IFRD1: variants seen among roughly 807,000 people sequenced by gnomAD.
The protein encoded by IFRD1 is interferon-related developmental regulator 1.
IFRD1 carries 35 observed loss-of-function variants against 52.9 expected under a neutral mutation model. That is an observed-to-expected ratio of 0.66 (90% CI 0.51 to 0.88). The LOEUF is 0.88. Among genes scored for constraint, IFRD1 ranks in the 40% least tolerant of loss-of-function variants. The pLI is 0.00. For missense variants in IFRD1, 517 were observed against 550.8 expected (o/e 0.94, Z 0.61); for synonymous variants, 184 against 188.4 (o/e 0.98, Z 0.19).
intron 11 of IFRD1, among the ~76,000 whole-genome samples, chr7:112,473,068 A>G (rs3128385): frequency 0.36 from 11,215 of 31,588 alleles, 962 homozygotes; most frequent in African/African-American, 0.51. Context: ...GTGTGTGTGT[A>G]TATATGTGTC....
Position 112,476,186 on chromosome 7 carries a change from A to G in IFRD1, c.*667A>G, listed in dbSNP as rs3183621. On this transcript the variant is annotated 3_prime_UTR_variant, in exon 12 of 12. Coordinates refer to ENST00000403825, the MANE Select transcript of IFRD1 (RefSeq NM_001550.4). The stretch of plus-strand genomic sequence containing the variant: ...CTTTGAAATAAAGATTTTTTTCCAC[A>G]CTGAAAGTGCTTCTCTTCTAATAGA... 34,592 of 152,170 alleles carry G rather than the reference A, an allele frequency of 0.23. 3,993 individuals carry two copies. Among genetic ancestry groups the G allele is most frequent in the Middle Eastern group, 0.42 (124 of 294 alleles). 9.4% of individuals were successfully genotyped at this position (152,170 alleles called of 1,614,324 possible).
At chr7:112,461,036 C>G (rs543087783) in intron 5 of IFRD1, among the ~76,000 whole-genome samples, 8 of 152,110 alleles carry the variant, frequency 5.3e-5, no homozygotes, top group Non-Finnish European at 1.2e-4. Flanking sequence ...ATTCGATAAG[C>G]TTTACCTTTG....
intron 1 of IFRD1, among the ~76,000 whole-genome samples, chr7:112,433,049 A>C (rs1794580684): frequency 6.6e-6 from 1 of 152,208 alleles, no homozygotes; most frequent in African/African-American, 2.4e-5. Flanking sequence ...AATTTCAGAG[A>C]TATTAAATGG....
At chr7:112,427,872 G>A (rs772452734) in intron 1 of IFRD1, among the ~76,000 whole-genome samples, 11 of 152,222 alleles carry the variant, frequency 7.2e-5, no homozygotes, top group Admixed American at 1.3e-4. Flanking sequence ...GGAGATCACA[G>A]TCTGGAGAGG....
chr7:112,423,970 A>C (rs1794374900), intron 1 of IFRD1, among the ~76,000 whole-genome samples: 1 of 152,244 alleles, frequency 6.6e-6, no homozygotes, highest in Non-Finnish European at 1.5e-5. Context: ...TGCAGAGTCC[A>C]GTTAACGAGA....
At chr7:112,451,113 C>T (rs1360581914) in intron 1 of IFRD1, 2 of 293,150 alleles carry the variant, frequency 6.8e-6, no homozygotes, top group Non-Finnish European at 1.3e-5. Context: ...CGGCGGCGAT[C>T]TCGCCCGATC....
At chr7:112,427,463 C>G (rs1209904160) in intron 1 of IFRD1, among the ~76,000 whole-genome samples, 1 of 152,226 alleles carries the variant, frequency 6.6e-6, no homozygotes, top group Non-Finnish European at 1.5e-5. Context: ...TACATTTACA[C>G]TACATTTTCA....
At chr7:112,454,857 G>GTTTTT (rs398005875) in intron 1 of IFRD1, among the ~76,000 whole-genome samples, 2 of 78,810 alleles carry the variant, frequency 2.5e-5, no homozygotes. Context: ...CTTCATATCA[G>GTTTTT]TTTTTTTTTT....
intron 1 of IFRD1, chr7:112,437,213 A>G (rs1794722827): frequency 6.5e-6 from 1 of 154,784 alleles, no homozygotes; most frequent in South Asian, 2.0e-4. Flanking sequence ...GGAGCCAGTG[A>G]GGAGTTATAA....
Position 112,475,832 on chromosome 7 carries a change from C to T in IFRD1, c.*313C>T, listed in dbSNP as rs1439194554. ...GTTTAATTTCTTACACTGTGGTTGT[C>T]AAGAATACTGATTTACTATAATGAT... On this transcript the variant is annotated 3_prime_UTR_variant, in exon 12 of 12. Transcript: ENST00000403825. The T allele has an allele frequency of 2.1e-5, 6 of 289,910 alleles. No homozygotes were observed. The highest frequency in any genetic ancestry group is 3.3e-5 in the Non-Finnish European group (5 of 153,442). The allele number at this position is 289,910 out of a possible 1,614,324, so 18.0% of individuals were successfully genotyped here.
chr7:112,468,592 C>T (rs1963308), intron 9 of IFRD1, among the ~76,000 whole-genome samples: 70,508 of 152,010 alleles, frequency 0.46, 16,809 homozygotes, highest in Non-Finnish European at 0.51. Flanking sequence ...CTCCGCCTCC[C>T]GGGTTCAAGT....
At chr7:112,465,568 A>T (rs1211599547) in intron 8 of IFRD1, among the ~76,000 whole-genome samples, 5 of 147,014 alleles carry the variant, frequency 3.4e-5, no homozygotes. Context: ...AGTAAGATCT[A>T]TAACTTAATG....
chr7:112,441,737 T>A (rs1464736891), intron 1 of IFRD1, among the ~76,000 whole-genome samples: 1 of 152,244 alleles, frequency 6.6e-6, no homozygotes, highest in Non-Finnish European at 1.5e-5. Context: ...AGAGAGAATC[T>A]GATTTACAAA....
chr7:112,450,797 C>CG lies in IFRD1; in HGVS notation c.94+16dup. The CG allele has an allele frequency of 6.3e-7, 1 of 1,591,954 alleles. No individual in the cohort carries two copies. Among genetic ancestry groups the CG allele is most frequent in the Non-Finnish European group, 8.6e-7 (1 of 1,161,498 alleles). On this transcript the variant is annotated intron_variant, in intron 1 of 11. Transcript: ENST00000403825. ...GGCGACAGCAGGTAAGGGGTATCCC[C>CG]GCCGCCGGCATCCCAGTTGCCGGCC...
At chr7:112,472,129 A>ATG in intron 9 of IFRD1, 90 bp from the exon 10 acceptor site, 1 of 1,280,846 alleles carries the variant, frequency 7.8e-7, no homozygotes, top group Non-Finnish European at 1.1e-6. Flanking sequence ...TTATCTCAGC[A>ATG]TGTATATGAC....
chr7:112,451,726 C>T (rs1375399765), intron 1 of IFRD1, among the ~76,000 whole-genome samples: 2 of 152,132 alleles, frequency 1.3e-5, no homozygotes, highest in Non-Finnish European at 2.9e-5. Context: ...CCCCAATAAA[C>T]TCAAATCGAG....
intron 4 of IFRD1, chr7:112,458,382 T>A (rs1795347756): frequency 6.4e-6 from 1 of 155,226 alleles, no homozygotes; most frequent in Non-Finnish European, 1.4e-5. Flanking sequence ...GAGTTATTTT[T>A]AATCCCGTAT....
intron 5 of IFRD1, among the ~76,000 whole-genome samples, chr7:112,459,565 A>G (rs922200927): frequency 5.3e-5 from 8 of 152,206 alleles, no homozygotes; most frequent in Non-Finnish European, 1.2e-4. Flanking sequence ...AAACATTTTA[A>G]TACTTTTAAT....
chr7:112,469,596 A>G (rs1420625366), intron 9 of IFRD1, among the ~76,000 whole-genome samples: 1 of 152,074 alleles, frequency 6.6e-6, no homozygotes, highest in Non-Finnish European at 1.5e-5. Flanking sequence ...ATATGATGAC[A>G]TGTCCTAGAT....
Sources: allele counts gnomAD v4.1 joint callset (sites outside exome capture counted in the v4.1 genomes callset), GRCh38; gene constraint gnomAD v4.1.1; transcripts MANE v1.5; gene names NCBI Gene and HGNC (gene_info 2026-07-23, HGNC 2026-07-21).